Variants in RANBP2 observed in about 807,000 individuals in gnomAD.
The protein encoded by RANBP2 is E3 SUMO-protein ligase RanBP2.
In RANBP2, 57 loss-of-function variants were observed where a neutral mutation model predicts 303.6. The ratio of observed to expected loss-of-function variants is 0.19; its 90% confidence interval spans 0.15 to 0.23. The LOEUF is 0.23. Ranked by LOEUF, RANBP2 falls within the 10% of genes least tolerant of loss-of-function variation. The probability of loss-of-function intolerance (pLI) is 1.00; values close to 1 mark genes in which losing one functional copy is unlikely to be tolerated. For synonymous variants in RANBP2, 1,167 were observed against 1,301.5 expected (o/e 0.90, Z 2.23); for missense variants, 3,138 against 3,780.8 (o/e 0.83, Z 4.46).
the RANBP2 span, among the ~76,000 whole-genome samples, chr2:109,271,290 T>C: frequency 6.6e-6 from 1 of 152,144 alleles, no homozygotes; most frequent in Admixed American, 6.6e-5. Flanking sequence ...CCTACCTTGT[T>C]TGGTGTGAAA....
the RANBP2 span, among the ~76,000 whole-genome samples, chr2:108,911,469 C>T: frequency 0.033 from 4,954 of 152,218 alleles, 262 homozygotes; most frequent in African/African-American, 0.11. Context: ...AGTCAGGATG[C>T]GAAAGTCAGC....
chr2:109,606,875 C>T, the RANBP2 span, among the ~76,000 whole-genome samples: 5 of 152,122 alleles, frequency 3.3e-5, no homozygotes, highest in East Asian at 9.7e-4. Flanking sequence ...TGGTCTCAAA[C>T]TCCTGACCGG....
At chr2:109,342,591 C>G in the RANBP2 span, among the ~76,000 whole-genome samples, 1 of 152,150 alleles carries the variant, frequency 6.6e-6, no homozygotes, top group African/African-American at 2.4e-5. Flanking sequence ...GCTGGGAGGT[C>G]TGGAATAGGC....
chr2:108,887,202 C>T, the RANBP2 span, among the ~76,000 whole-genome samples: 7 of 152,130 alleles, frequency 4.6e-5, no homozygotes, highest in African/African-American at 1.4e-4. Context: ...AAATATGTGT[C>T]TTATTTCTGG....
At chr2:109,402,522 C>T in the RANBP2 span, among the ~76,000 whole-genome samples, 305 of 152,324 alleles carry the variant, frequency 2.0e-3, 1 homozygote, top group African/African-American at 6.9e-3. Flanking sequence ...CAGGAAGGCC[C>T]GCAGCCCCAG....
chr2:109,045,579 A>G, the RANBP2 span, among the ~76,000 whole-genome samples: 1 of 152,128 alleles, frequency 6.6e-6, no homozygotes, highest in African/African-American at 2.4e-5. Context: ...AGAGACCCTG[A>G]TAGAAACCCC....
the RANBP2 span, chr2:109,667,101 A>G: frequency 9.8e-6 from 9 of 920,336 alleles, no homozygotes; most frequent in Middle Eastern, 2.4e-4. Context: ...TAATCTAAAT[A>G]TATCCCAGTT....
chr2:108,775,704 A>C, intron 23 of RANBP2, 28 bp from the exon 24 acceptor site: 1 of 1,610,552 alleles, frequency 6.2e-7, no homozygotes, highest in Non-Finnish European at 8.5e-7. Context: ...TTTAAGTGGC[A>C]TAGTATTTTG....
chr2:109,195,022 G>C, the RANBP2 span, among the ~76,000 whole-genome samples: 1 of 152,178 alleles, frequency 6.6e-6, no homozygotes, highest in Admixed American at 6.5e-5. Context: ...AGAAGTGGGG[G>C]AAATGAAAAT....
chr2:109,394,039 C>T, the RANBP2 span, among the ~76,000 whole-genome samples: 1 of 152,140 alleles, frequency 6.6e-6, no homozygotes, highest in Non-Finnish European at 1.5e-5. Context: ...GGGAGAGAGT[C>T]TTCTCTATTC....
the RANBP2 span, among the ~76,000 whole-genome samples, chr2:109,563,745 TTATAA>T: frequency 4.6e-5 from 7 of 152,194 alleles, no homozygotes; most frequent in African/African-American, 9.7e-5. Context: ...CCTTCTTCCT[TTATAA>T]TATGTTTTGC....
At chr2:109,343,889 A>G in the RANBP2 span, among the ~76,000 whole-genome samples, 1 of 151,980 alleles carries the variant, frequency 6.6e-6, no homozygotes, top group African/African-American at 2.4e-5. Flanking sequence ...GACTACAGGT[A>G]CTTGCCACCA....
chr2:109,093,099 A>G, the RANBP2 span, among the ~76,000 whole-genome samples: 1 of 152,204 alleles, frequency 6.6e-6, no homozygotes, highest in South Asian at 2.1e-4. Flanking sequence ...TTCATGTCAT[A>G]GTTAGCCCTA....
the RANBP2 span, among the ~76,000 whole-genome samples, chr2:109,075,587 A>G: frequency 6.7e-6 from 1 of 149,610 alleles, no homozygotes; most frequent in Non-Finnish European, 1.5e-5. Context: ...AACAAAAAAA[A>G]AAAAAAAAAG....
the RANBP2 span, among the ~76,000 whole-genome samples, chr2:108,953,461 G>A: frequency 6.6e-6 from 1 of 152,038 alleles, no homozygotes; most frequent in African/African-American, 2.4e-5. Context: ...CCTCACTACA[G>A]TCTACAAATT....
rs2949979 is a variant in RANBP2 at position 108,723,598 on chromosome 2, T to C, written c.72+3920T>C. On this transcript the variant is annotated intron_variant, in intron 1 of 28. Coordinates refer to ENST00000283195, the MANE Select transcript of RANBP2 (RefSeq NM_006267.5). ...CCCCATTTTAGACATTCTGTACTGG[T>C]TATTATGCTCCTCCAAAACTGTCCT... 1.1e-4 allele frequency among the ~76,000 whole-genome samples: 16 copies of C among 152,282 alleles called. No individual in the cohort carries two copies. The South Asian group carries it at 1.7e-3, about 16-fold the overall frequency.
the RANBP2 span, among the ~76,000 whole-genome samples, chr2:109,294,983 G>A: frequency 1.3e-5 from 2 of 152,236 alleles, no homozygotes; most frequent in Non-Finnish European, 2.9e-5. Context: ...CAGGGCTCAT[G>A]GTAGCCAGGC....
chr2:108,892,737 T>C, the RANBP2 span, among the ~76,000 whole-genome samples: 1 of 152,206 alleles, frequency 6.6e-6, no homozygotes, highest in Non-Finnish European at 1.5e-5. Context: ...TGGAAGTCTC[T>C]TATTCACCCT....
the RANBP2 span, among the ~76,000 whole-genome samples, chr2:109,149,157 T>C: frequency 1.3e-5 from 2 of 152,142 alleles, no homozygotes; most frequent in Non-Finnish European, 2.9e-5. Flanking sequence ...GGAGCTCACA[T>C]TGATGGAGTG....
Sources: allele counts gnomAD v4.1 joint callset (sites outside exome capture counted in the v4.1 genomes callset), GRCh38; gene constraint gnomAD v4.1.1; transcripts MANE v1.5; gene names NCBI Gene and HGNC (gene_info 2026-07-23, HGNC 2026-07-21).